The following CS variants were observed in gnomAD, a reference collection of about 807,000 sequenced individuals.
CS encodes the protein citrate synthase, mitochondrial.
Under a neutral mutation model 61.4 loss-of-function variants are expected in CS, and 13 were observed. The observed-to-expected ratio is 0.21, with a 90% CI of 0.14 to 0.34. The LOEUF is 0.34. CS is among the 10% of genes least tolerant of loss of function. CS has a pLI of 1.00. For synonymous variants in CS, 159 were observed against 215.2 expected, an observed-to-expected ratio of 0.74 and a Z score of 2.29; for missense variants, 278 against 573.4, an observed-to-expected ratio of 0.48 and a Z score of 5.26.
At chr12:56,296,478 T>C (rs751085010) in intron 1 of CS, among the ~76,000 whole-genome samples, 1 of 152,126 alleles carries the variant, frequency 6.6e-6, no homozygotes, top group Non-Finnish European at 1.5e-5. Flanking sequence ...ACTTGTGCAG[T>C]TGAAGCACAG....
intron 4 of CS, 121 bp downstream of exon 4, chr12:56,283,671 C>G: frequency 1.4e-6 from 1 of 694,252 alleles, no homozygotes; most frequent in South Asian, 1.7e-5. Flanking sequence ...TATGTCTTCT[C>G]TACCTTCCAA....
chr12:56,282,211 C>G (rs973089113), intron 6 of CS: 2 of 433,758 alleles, frequency 4.6e-6, no homozygotes, highest in African/African-American at 4.1e-5. Context: ...CCTAACCAAA[C>G]AAACAGTCCT....
chr12:56,290,903 G>A (rs557415336), intron 1 of CS, among the ~76,000 whole-genome samples: 23 of 152,254 alleles, frequency 1.5e-4, no homozygotes, highest in African/African-American at 5.1e-4. Flanking sequence ...TACTTAAAAT[G>A]TGACCTCCTC....
At position 56,273,585 on chromosome 12, in the gene CS, A is replaced by C. The variant is rs1310865804; in HGVS notation, c.1230+2T>G. 6.2e-7 allele frequency: 1 copy of C among 1,613,828 alleles called. No individual in the cohort carries two copies. On this transcript the variant is annotated splice_donor_variant, in intron 10 of 10. Coordinates refer to ENST00000351328, the MANE Select transcript of CS (RefSeq NM_004077.3). LOFTEE classifies it high-confidence loss of function. ...AGGGAAAAGAGGGAAAGGAGGACTT[A>C]CCTGGAGCAGCACCCCACTGTGAGC...
intron 5 of CS, 34 bp from the exon 6 acceptor site, chr12:56,282,642 C>A: frequency 6.4e-7 from 1 of 1,566,276 alleles, no homozygotes; most frequent in Non-Finnish European, 8.6e-7. Flanking sequence ...AGAACACCAG[C>A]AAGGACAAGG....
In CS at chr12:56,300,232, G is replaced by A. The variant is rs1190912030; in HGVS notation, c.-31C>T. The stretch of plus-strand genomic sequence containing the variant: ...GCGATCTCCGGGATCTGGTGGGGAG[G>A]TAAGAAAGGGAGAGAGCTGCGGCAG... On this transcript the variant is annotated 5_prime_UTR_variant, in exon 1 of 11. Coordinates refer to ENST00000351328, the MANE Select transcript of CS (RefSeq NM_004077.3). 6 of 1,550,338 alleles carry A rather than the reference G, an allele frequency of 3.9e-6. No homozygotes were observed. Among genetic ancestry groups the A allele is most frequent in the Admixed American group, 2.0e-5 (1 of 50,638 alleles).
At chr12:56,300,136 G>A in intron 1 of CS, 24 bp downstream of exon 1, 1 of 1,554,800 alleles carries the variant, frequency 6.4e-7, no homozygotes. Flanking sequence ...CTGGGACGGC[G>A]TGCTCCCTCC....
chr12:56,276,220 GA>G (rs747228536), intron 6 of CS, 25 bp from the exon 7 acceptor site: 45 of 1,577,310 alleles, frequency 2.9e-5, no homozygotes, highest in South Asian at 1.5e-4. Flanking sequence ...GCAAGATGGA[GA>G]AAAAAAAAGG....
At chr12:56,296,719 C>A (rs1258786676) in intron 1 of CS, among the ~76,000 whole-genome samples, 1 of 152,138 alleles carries the variant, frequency 6.6e-6, no homozygotes, top group Admixed American at 6.6e-5. Flanking sequence ...CCATACTATT[C>A]TTGCTGCCTC....
chr12:56,274,693 C>T, intron 9 of CS, 84 bp downstream of exon 9: 5 of 1,026,706 alleles, frequency 4.9e-6, no homozygotes, highest in South Asian at 1.9e-5. Context: ...AATTTAGGGA[C>T]CTCTTTCATT....
rs530598073 is a variant in CS at position 56,288,715 on chromosome 12, A to T, written c.43-2070T>A. Among the ~76,000 whole-genome samples, 7 of 152,038 alleles carry T rather than the reference A, an allele frequency of 4.6e-5. No individual in the cohort carries two copies. In the South Asian group the frequency reaches 1.5e-3, roughly 32 times the overall value. On this transcript the variant is annotated intron_variant, in intron 1 of 10. Coordinates refer to ENST00000351328, the MANE Select transcript of CS (RefSeq NM_004077.3). ...CCAGGCTGGAGTATAGTGGCATGTTAATAGCTCACTGTAGCCTTCAATTCC... is the reference window on the plus strand; with the variant it reads ...CCAGGCTGGAGTATAGTGGCATGTTTATAGCTCACTGTAGCCTTCAATTCC...
chr12:56,288,963 A>G (rs1873030622), intron 1 of CS, among the ~76,000 whole-genome samples: 1 of 152,140 alleles, frequency 6.6e-6, no homozygotes, highest in Non-Finnish European at 1.5e-5. Context: ...ACCCAGACAG[A>G]AAAGATTACT....
intron 6 of CS, 142 bp from the exon 7 acceptor site, chr12:56,276,337 TGTTTGAAAGTAGAGAATAACAATCA>T: frequency 1.5e-6 from 1 of 683,154 alleles, no homozygotes; most frequent in Non-Finnish European, 2.5e-6. Context: ...ATATTGAGTA[TGTTTGAAAGTAGAGAATAACAATCA>T]TAACCATTTC....
chr12:56,282,698 C>G (rs537033737), intron 5 of CS, 90 bp from the exon 6 acceptor site: 4 of 1,523,018 alleles, frequency 2.6e-6, no homozygotes, highest in South Asian at 1.3e-5. Context: ...TAAAGAAAAC[C>G]CAAGAGAGGT....
chr12:56,276,276 C>A, intron 6 of CS, 81 bp from the exon 7 acceptor site: 1 of 1,368,914 alleles, frequency 7.3e-7, no homozygotes, highest in Non-Finnish European at 1.0e-6. Flanking sequence ...GTCTGTCCTC[C>A]ATGAATTGGG....
In CS at chr12:56,282,526, T is replaced by G; in HGVS notation, c.482A>C (p.Asn161Thr). 6.2e-7 allele frequency: 1 copy of G among 1,612,102 alleles called. No homozygotes were observed. Among genetic ancestry groups the G allele is most frequent in the Non-Finnish European group, 8.5e-7 (1 of 1,179,202 alleles). The change falls in exon 6 of 11, where the codon AAT (asparagine) becomes ACT (threonine). Residue 161 changes from asparagine (N) to threonine (T), a missense_variant. Around this residue, in one of 2 missense-constraint regions of CS, gnomAD observed 223 missense variants for 503.5 expected, o/e 0.44. Transcript: ENST00000351328. ...VVTMLDNFPT[N>T]LHPMSQLSAA... The stretch of plus-strand genomic sequence containing the variant: ...ACTGAGCTGAGACATGGGGTGTAGA[T>G]TGGTGGGAAAGTTGTCCAGCATGGT...
chr12:56,290,529 C>T (rs1238054220), intron 1 of CS, among the ~76,000 whole-genome samples: 3 of 152,022 alleles, frequency 2.0e-5, no homozygotes, highest in Non-Finnish European at 4.4e-5. Context: ...CTTTCTAGCA[C>T]CGTTCGGTGT....
intron 7 of CS, chr12:56,275,726 G>A: frequency 2.0e-6 from 1 of 495,120 alleles, no homozygotes; most frequent in Non-Finnish European, 3.6e-6. Context: ...CGAGCTCCTG[G>A]AAAGCTGAAG....
At chr12:56,281,100 C>T (rs990410791) in intron 6 of CS, among the ~76,000 whole-genome samples, 1 of 152,194 alleles carries the variant, frequency 6.6e-6, no homozygotes, top group Non-Finnish European at 1.5e-5. Flanking sequence ...CTCTTTAGGG[C>T]CTTCCTGGTG....
Sources: gnomAD v4.1 joint callset for allele counts (sites outside exome capture counted in the v4.1 genomes callset) on GRCh38, gnomAD v4.1.1 for gene constraint, gnomAD v4.1.1 regional missense constraint, MANE v1.5 for transcripts, NCBI Gene and HGNC (gene_info 2026-07-23, HGNC 2026-07-21) for gene names.